The following COL28A1 variants were observed in gnomAD, a reference collection of about 807,000 sequenced individuals.
COL28A1 encodes the protein collagen alpha-1(XXVIII) chain.
COL28A1 carries 161 observed loss-of-function variants against 150.2 expected under a neutral mutation model. The ratio of observed to expected loss-of-function variants is 1.07; its 90% CI spans 0.94 to 1.22. The LOEUF (loss-of-function observed/expected upper bound fraction) is 1.22, where lower values mean the gene tolerates loss of function less well. COL28A1 is among the 50% of genes most tolerant of loss of function. COL28A1 has a pLI of 0.00. For missense variants in COL28A1, 1,617 were observed against 1,388.3 expected (o/e 1.16, Z -2.62); for synonymous variants, 552 against 469.7 (o/e 1.18, Z -2.26).
intron 25 of COL28A1, among the ~76,000 whole-genome samples, chr7:7,425,462 A>G (rs1050995218): frequency 2.0e-5 from 3 of 152,206 alleles, no homozygotes; most frequent in African/African-American, 7.2e-5. Flanking sequence ...TGTATTACAC[A>G]GGTCCCACAC....
Position 7,358,815 on chromosome 7 carries a change from G to A in COL28A1, c.3206-10C>T. 2 of 1,598,250 alleles carry A rather than the reference G, an allele frequency of 1.3e-6. No homozygotes were observed. The highest frequency in any genetic ancestry group is 1.7e-6 in the Non-Finnish European group (2 of 1,172,968). ...TCCAAACATCTAGGATCTAGAGTGA[G>A]AAAAGGAAAATGTGTCACGGATTTT... On this transcript the variant is annotated splice_polypyrimidine_tract_variant and intron_variant, in intron 34 of 34. Coordinates refer to ENST00000399429, the MANE Select transcript of COL28A1 (RefSeq NM_001037763.3).
rs533840028 is a variant in COL28A1 at position 7,476,853 on chromosome 7, C to A, written c.1233+259G>T. 5.3e-5 allele frequency among the ~76,000 whole-genome samples: 8 copies of A among 152,308 alleles called. No individual in the cohort carries two copies. In the East Asian group the frequency reaches 5.8e-4, roughly 11 times the overall value. On this transcript the variant is annotated intron_variant, in intron 14 of 34. Transcript: ENST00000399429. ...TTATCACTGTGGCTTTAAATGACTA[C>A]AAACTACTTTAAGAGATTTTTCTAA... is the stretch of plus-strand genomic sequence containing the variant.
In COL28A1 at chr7:7,380,714, G is replaced by A; in HGVS notation, c.2287-19C>T. 6.2e-7 allele frequency: 1 copy of A among 1,613,496 alleles called. No homozygotes were observed. Among genetic ancestry groups the A allele is most frequent in the Non-Finnish European group, 8.5e-7 (1 of 1,179,480 alleles). ...GTAAACCCTACTTAGTGGAAGAAGA[G>A]TAAAAGTCAATATAGGTTGGAACCA... On this transcript the variant is annotated intron_variant, in intron 29 of 34. Transcript: ENST00000399429.
chr7:7,393,764 T>C (rs1018922105), intron 27 of COL28A1, among the ~76,000 whole-genome samples: 4 of 152,056 alleles, frequency 2.6e-5, no homozygotes, highest in African/African-American at 9.7e-5. Flanking sequence ...AGGGGAAAAG[T>C]GGACCTCTTT....
At chr7:7,444,582 G>A in intron 18 of COL28A1, 93 bp from the exon 19 acceptor site, 1 of 1,260,210 alleles carries the variant, frequency 7.9e-7, no homozygotes, top group Admixed American at 2.2e-5. Context: ...TCTGAGAAAA[G>A]CCTCCGAGAA....
rs116236525 is a variant in COL28A1 at position 7,504,095 on chromosome 7, C to T, written c.1026+1919G>A. ...ATTATGTCAGAAAAATTATAACCAA[C>T]CCCCCCAAAACATACTTGATGCATT... On this transcript the variant is annotated intron_variant, in intron 11 of 34. Coordinates refer to ENST00000399429, the MANE Select transcript of COL28A1 (RefSeq NM_001037763.3). 2.2e-3 allele frequency among the ~76,000 whole-genome samples: 339 copies of T among 152,168 alleles called. 1 individual carries two copies. Among genetic ancestry groups the T allele is most frequent in the African/African-American group, 7.6e-3 (317 of 41,520 alleles).
At chr7:7,505,916 T>G (rs901530189) in intron 11 of COL28A1, 98 bp downstream of exon 11, 95 of 776,012 alleles carry the variant, frequency 1.2e-4, no homozygotes, top group Non-Finnish European at 2.1e-4. Context: ...AGGTACTTCC[T>G]CAAAGAATCC....
At chr7:7,348,187 A>C in the COL28A1 span, among the ~76,000 whole-genome samples, 2 of 152,108 alleles carry the variant, frequency 1.3e-5, no homozygotes, top group African/African-American at 4.8e-5. Flanking sequence ...CCGTTAACTA[A>C]GACGAGGACA....
chr7:7,431,958 G>A (rs1785007138), intron 25 of COL28A1, among the ~76,000 whole-genome samples: 1 of 152,184 alleles, frequency 6.6e-6, no homozygotes, highest in Admixed American at 6.5e-5. Context: ...CTTCTGGCTT[G>A]AGCATGGAAG....
At position 7,508,718 on chromosome 7, in the gene COL28A1, G is replaced by C. The variant is rs564620084; in HGVS notation, c.928-1557C>G. On this transcript the variant is annotated intron_variant, in intron 9 of 34. Transcript: ENST00000399429. ...GTTGTTTGAGACAGGGTCTTGCTCT[G>C]TTGCCCAGGCTGGAGTAGCTCACTG... Among the ~76,000 whole-genome samples, 8 of 152,298 alleles carry C rather than the reference G, an allele frequency of 5.3e-5. No individual in the cohort carries two copies. The South Asian group carries it at 1.7e-3, about 32-fold the overall frequency.
chr7:7,443,391 T>C (rs139019574), intron 20 of COL28A1, among the ~76,000 whole-genome samples, 194 bp downstream of exon 20: 5 of 152,040 alleles, frequency 3.3e-5, no homozygotes, highest in Middle Eastern at 6.8e-3. Context: ...GGTCTTACAA[T>C]AGACGTTAGG....
chr7:7,350,139 A>G, the COL28A1 span, among the ~76,000 whole-genome samples: 2 of 152,134 alleles, frequency 1.3e-5, no homozygotes, highest in Non-Finnish European at 2.9e-5. Flanking sequence ...GGGCAGATAA[A>G]GATTGGAGAA....
intron 3 of COL28A1, among the ~76,000 whole-genome samples, chr7:7,529,365 T>G (rs1160956448): frequency 6.6e-6 from 1 of 151,918 alleles, no homozygotes; most frequent in Admixed American, 6.6e-5. Context: ...TGGTATACCA[T>G]TCTTTGAAGA....
chr7:7,450,739 A>G (rs1786628318), intron 18 of COL28A1, among the ~76,000 whole-genome samples: 1 of 152,230 alleles, frequency 6.6e-6, no homozygotes, highest in Non-Finnish European at 1.5e-5. Context: ...TTGTGGCAGC[A>G]TTGTTGGCAA....
chr7:7,494,796 C>T (rs990886933), intron 11 of COL28A1, among the ~76,000 whole-genome samples: 10 of 152,068 alleles, frequency 6.6e-5, no homozygotes, highest in African/African-American at 2.2e-4. Flanking sequence ...TAACAGAATA[C>T]ATAAGACTCT....
chr7:7,450,716 G>C (rs1786626913), intron 18 of COL28A1, among the ~76,000 whole-genome samples: 1 of 152,060 alleles, frequency 6.6e-6, no homozygotes, highest in Non-Finnish European at 1.5e-5. Context: ...GTGTGCAAAA[G>C]GAAACAGAAT....
intron 27 of COL28A1, among the ~76,000 whole-genome samples, chr7:7,389,381 G>A (rs1018700135): frequency 6.6e-6 from 1 of 152,192 alleles, no homozygotes; most frequent in African/African-American, 2.4e-5. Context: ...CCAATACCAT[G>A]CTGTTTGGGT....
At chr7:7,453,658 C>A in intron 16 of COL28A1, 150 bp from the exon 17 acceptor site, 1 of 599,858 alleles carries the variant, frequency 1.7e-6, no homozygotes. Flanking sequence ...AGTTAAACCA[C>A]AATTTGCATT....
At chr7:7,540,930 C>A in the COL28A1 span, among the ~76,000 whole-genome samples, 1,236 of 152,218 alleles carry the variant, frequency 8.1e-3, 22 homozygotes, top group African/African-American at 0.028. Context: ...CAAAACATAG[C>A]CAGTAATATA....
Sources: gnomAD v4.1 joint callset for allele counts (sites outside exome capture counted in the v4.1 genomes callset) on GRCh38, gnomAD v4.1.1 for gene constraint, MANE v1.5 for transcripts, NCBI Gene and HGNC (gene_info 2026-07-23, HGNC 2026-07-21) for gene names.